The following ELMO1 variants were observed in gnomAD, a reference collection of about 807,000 sequenced individuals.
ELMO1 encodes the protein engulfment and cell motility 1, also known as engulfment and cell motility protein 1.
A neutral mutation model predicts 98.9 loss-of-function variants in ELMO1; 26 were observed. The observed-to-expected ratio is 0.26, with a 90% confidence interval of 0.19 to 0.36. The LOEUF (loss-of-function observed/expected upper bound fraction) is 0.36. ELMO1 is among the 10% of genes least tolerant of loss of function. The pLI, the probability that ELMO1 is intolerant of heterozygous loss-of-function variation, is 1.00. For missense variants in ELMO1, 627 were observed against 935.2 expected (o/e 0.67, Z 4.30); for synonymous variants, 346 against 346.0 (o/e 1.00, Z 0.00).
intron 19 of ELMO1, among the ~76,000 whole-genome samples, chr7:36,877,620 A>G (rs772281021): frequency 1.3e-5 from 2 of 152,206 alleles, no homozygotes; most frequent in Non-Finnish European, 2.9e-5. Flanking sequence ...TAAGGAATAA[A>G]TGTTGTAGGG....
At chr7:37,280,649 A>G (rs1797086882) in intron 4 of ELMO1, among the ~76,000 whole-genome samples, 1 of 152,186 alleles carries the variant, frequency 6.6e-6, no homozygotes. Context: ...CCACAATGCG[A>G]TATCACTTTA....
At chr7:36,968,435 T>C (rs898097471) in intron 16 of ELMO1, among the ~76,000 whole-genome samples, 1 of 152,224 alleles carries the variant, frequency 6.6e-6, no homozygotes, top group South Asian at 2.1e-4. Flanking sequence ...GAGCAATGTA[T>C]ATATTTTATC....
intron 15 of ELMO1, among the ~76,000 whole-genome samples, chr7:37,040,172 T>C (rs1795422608): frequency 1.3e-5 from 2 of 152,190 alleles, no homozygotes; most frequent in South Asian, 4.1e-4. Flanking sequence ...CTGTGGCTAG[T>C]GGCTAATATA....
intron 15 of ELMO1, among the ~76,000 whole-genome samples, chr7:37,031,108 C>A (rs573923641): frequency 1.3e-5 from 2 of 152,236 alleles, no homozygotes; most frequent in South Asian, 4.1e-4. Flanking sequence ...GGTTCAGGTG[C>A]TCATCACTGC....
chr7:36,973,789 G>A (rs185655179), intron 16 of ELMO1, among the ~76,000 whole-genome samples: 1 of 152,330 alleles, frequency 6.6e-6, no homozygotes, highest in Non-Finnish European at 1.5e-5. Context: ...GCGCTTGCGA[G>A]CCAGCTGGAG....
At position 37,206,273 on chromosome 7, in the gene ELMO1, C is replaced by G. The variant is rs1180577620; in HGVS notation, c.1086+5113G>C. On this transcript the variant is annotated intron_variant, in intron 13 of 21. Coordinates refer to ENST00000310758, the MANE Select transcript of ELMO1 (RefSeq NM_014800.11). ...CATATTGATAGAGAAAATTATTATC[C>G]CTCATTTTAAAGAATAAAAAACAGA... Among the ~76,000 whole-genome samples the G allele has an allele frequency of 3.3e-5, 5 of 152,064 alleles. No homozygotes were observed. The East Asian group carries it at 9.6e-4, about 29-fold the overall frequency.
chr7:37,215,506 A>G (rs1315146040), intron 11 of ELMO1, among the ~76,000 whole-genome samples: 2 of 152,020 alleles, frequency 1.3e-5, no homozygotes, highest in Non-Finnish European at 2.9e-5. Flanking sequence ...GAGCCTTGGC[A>G]CCCACCCCCC....
At chr7:37,375,751 C>T (rs1802312982) in intron 1 of ELMO1, 4 of 1,148,100 alleles carry the variant, frequency 3.5e-6, no homozygotes, top group South Asian at 1.3e-5. Context: ...TGAGGGTATC[C>T]AGTATCTCAG....
intron 16 of ELMO1, among the ~76,000 whole-genome samples, chr7:36,904,355 T>G (rs1049291220): frequency 1.4e-4 from 22 of 152,222 alleles, no homozygotes; most frequent in Admixed American, 2.6e-4. Flanking sequence ...TGCTTGGATT[T>G]GCAGCTTCTA....
At chr7:37,123,736 G>A (rs953128774) in intron 14 of ELMO1, among the ~76,000 whole-genome samples, 1 of 152,148 alleles carries the variant, frequency 6.6e-6, no homozygotes, top group Non-Finnish European at 1.5e-5. Context: ...CATTCCTTCT[G>A]AAACTATTCC....
chr7:37,232,615 A>C (rs992999588), intron 8 of ELMO1, among the ~76,000 whole-genome samples: 2 of 152,212 alleles, frequency 1.3e-5, no homozygotes, highest in Admixed American at 6.5e-5. Flanking sequence ...CCCTGATTAC[A>C]AGTAAGCAGG....
intron 15 of ELMO1, among the ~76,000 whole-genome samples, chr7:37,053,212 G>GA (rs1796207236): frequency 6.6e-6 from 1 of 151,344 alleles, no homozygotes; most frequent in Non-Finnish European, 1.5e-5. Context: ...CAATGTCCAT[G>GA]AAAGACTGCC....
intron 16 of ELMO1, among the ~76,000 whole-genome samples, chr7:36,901,363 G>GCAAACTTCT (rs1806492050): frequency 6.6e-6 from 1 of 152,154 alleles, no homozygotes; most frequent in Non-Finnish European, 1.5e-5. Context: ...CTTAGACAGG[G>GCAAACTTCT]GTTAGCAAAC....
intron 5 of ELMO1, among the ~76,000 whole-genome samples, chr7:37,260,937 C>T (rs934674540): frequency 1.3e-5 from 2 of 152,160 alleles, no homozygotes; most frequent in Non-Finnish European, 2.9e-5. Flanking sequence ...AATGGATATA[C>T]AGCATTCACA....
intron 14 of ELMO1, among the ~76,000 whole-genome samples, chr7:37,126,816 C>CAATG (rs934432531): frequency 8.5e-5 from 13 of 152,264 alleles, no homozygotes; most frequent in African/African-American, 3.1e-4. Flanking sequence ...ATGAAAAAGT[C>CAATG]AATGAATGAA....
chr7:37,423,653 A>T (rs1244520312), intron 1 of ELMO1, among the ~76,000 whole-genome samples: 1 of 152,120 alleles, frequency 6.6e-6, no homozygotes, highest in East Asian at 1.9e-4. Context: ...TGAAACATTG[A>T]TTCTTATTTT....
chr7:36,892,583 A>G (rs1003350985), intron 17 of ELMO1, among the ~76,000 whole-genome samples: 3 of 152,224 alleles, frequency 2.0e-5, no homozygotes, highest in African/African-American at 4.8e-5. Flanking sequence ...ACAAGCATAC[A>G]TGGTCTACTC....
At chr7:37,046,175 AT>A (rs1007755494) in intron 15 of ELMO1, among the ~76,000 whole-genome samples, 5 of 152,180 alleles carry the variant, frequency 3.3e-5, no homozygotes, top group South Asian at 2.1e-4. Context: ...CCTATAACAA[AT>A]TTTTTCTTGA....
chr7:36,958,115 C>T, intron 16 of ELMO1, among the ~76,000 whole-genome samples: 1 of 152,216 alleles, frequency 6.6e-6, no homozygotes, highest in Non-Finnish European at 1.5e-5. Context: ...TCCATCACCC[C>T]ATTCATGGCT....
Sources: allele counts gnomAD v4.1 joint callset (sites outside exome capture counted in the v4.1 genomes callset), GRCh38; gene constraint gnomAD v4.1.1; transcripts MANE v1.5; gene names NCBI Gene and HGNC (gene_info 2026-07-23, HGNC 2026-07-21).